The following STARD13 variants were observed in gnomAD, a reference collection of about 807,000 sequenced individuals.
STARD13 encodes the protein StAR related lipid transfer domain containing 13.
STARD13 carries 62 observed loss-of-function variants against 106.4 expected under a neutral mutation model. The observed-to-expected ratio is 0.58, with a 90% CI of 0.48 to 0.72. STARD13 has a LOEUF of 0.72. Ranked by LOEUF, STARD13 falls within the 30% of genes least tolerant of loss-of-function variation. The pLI, the probability that STARD13 is intolerant of heterozygous loss-of-function variation, is 0.00. For synonymous variants in STARD13, 565 were observed against 553.0 expected, an observed-to-expected ratio of 1.02 and a Z score of -0.31; for missense variants, 1,387 against 1,424.0, an observed-to-expected ratio of 0.97 and a Z score of 0.42.
intron 12 of STARD13, among the ~76,000 whole-genome samples, chr13:33,107,696 T>G (rs1310526361): frequency 6.6e-6 from 1 of 151,940 alleles, no homozygotes; most frequent in African/African-American, 2.4e-5. Flanking sequence ...TGTTCAGAAA[T>G]GAAATGTGCT....
the STARD13 span, among the ~76,000 whole-genome samples, chr13:33,604,365 A>G: frequency 6.6e-5 from 10 of 152,258 alleles, no homozygotes; most frequent in Middle Eastern, 3.2e-3. Flanking sequence ...ATCTAGACAC[A>G]TGATAGTGAA....
chr13:33,642,303 A>T, the STARD13 span, among the ~76,000 whole-genome samples: 2 of 152,380 alleles, frequency 1.3e-5, no homozygotes, highest in African/African-American at 4.8e-5. Flanking sequence ...GGGAGGTGTG[A>T]TCAGCAATGC....
At chr13:33,336,455 A>C (rs1018369199) in intron 1 of STARD13, 1 of 152,174 alleles carries the variant, frequency 6.6e-6, no homozygotes, top group African/African-American at 2.4e-5. Context: ...GAATTGGCTG[A>C]TTATAAGCTG....
the STARD13 span, among the ~76,000 whole-genome samples, chr13:33,656,600 C>G: frequency 3.2e-3 from 486 of 152,310 alleles, 3 homozygotes; most frequent in African/African-American, 0.011. Flanking sequence ...CCAGAGTCAC[C>G]TAATTTGCCG....
the STARD13 span, among the ~76,000 whole-genome samples, chr13:33,588,687 CA>C: frequency 1.3e-5 from 2 of 152,156 alleles, no homozygotes; most frequent in Non-Finnish European, 2.9e-5. Flanking sequence ...GGGCACATCG[CA>C]AATGTTATGT....
the STARD13 span, among the ~76,000 whole-genome samples, chr13:33,498,691 T>A: frequency 6.6e-6 from 1 of 152,188 alleles, no homozygotes; most frequent in Non-Finnish European, 1.5e-5. Context: ...CAGAGAAAGA[T>A]AATAATGAAT....
At chr13:33,233,503 T>C (rs1162876763) in intron 1 of STARD13, among the ~76,000 whole-genome samples, 2 of 152,162 alleles carry the variant, frequency 1.3e-5, no homozygotes, top group Non-Finnish European at 2.9e-5. Context: ...AGTTCTCCTC[T>C]CCACCCAGAG....
intron 1 of STARD13, among the ~76,000 whole-genome samples, chr13:33,236,499 A>T (rs1383296049): frequency 6.6e-6 from 1 of 152,218 alleles, no homozygotes; most frequent in Non-Finnish European, 1.5e-5. Context: ...AAGCCTTTGT[A>T]CATATGCAAA....
At chr13:33,442,936 C>A in the STARD13 span, among the ~76,000 whole-genome samples, 8 of 152,022 alleles carry the variant, frequency 5.3e-5, no homozygotes. Flanking sequence ...TCACAGGATG[C>A]CAGGGGCCAG....
intron 8 of STARD13, among the ~76,000 whole-genome samples, chr13:33,116,033 T>C (rs1230234755): frequency 6.6e-6 from 1 of 152,230 alleles, no homozygotes; most frequent in Non-Finnish European, 1.5e-5. Flanking sequence ...CTGAGAACAC[T>C]GTAACTGGTA....
intron 2 of STARD13, 64 bp downstream of exon 2, chr13:33,167,487 A>G: frequency 6.5e-7 from 1 of 1,531,512 alleles, no homozygotes; most frequent in Non-Finnish European, 9.0e-7. Context: ...AACACACCAC[A>G]GGATACGTGT....
chr13:33,255,104 C>A (rs539373937), intron 1 of STARD13, among the ~76,000 whole-genome samples: 16 of 144,890 alleles, frequency 1.1e-4, no homozygotes, highest in African/African-American at 2.8e-4. Flanking sequence ...GTGCTCCCCC[C>A]CCCCTCAGAG....
the STARD13 span, among the ~76,000 whole-genome samples, chr13:33,434,379 A>G: frequency 2.0e-5 from 3 of 151,194 alleles, no homozygotes; most frequent in Non-Finnish European, 2.9e-5. Context: ...AAAAAGAAAG[A>G]AAGAAAAAGA....
the STARD13 span, among the ~76,000 whole-genome samples, chr13:33,538,347 T>C: frequency 0.013 from 2,018 of 152,182 alleles, 49 homozygotes; most frequent in African/African-American, 0.046. Flanking sequence ...TGAGAAGAGA[T>C]TGCTTTCAGG....
At chr13:33,599,559 A>C in the STARD13 span, among the ~76,000 whole-genome samples, 17 of 152,168 alleles carry the variant, frequency 1.1e-4, no homozygotes, top group Non-Finnish European at 2.1e-4. Flanking sequence ...TTTGGAAGGC[A>C]CCTTGGACAA....
chr13:33,649,519 T>C, the STARD13 span, among the ~76,000 whole-genome samples: 2 of 152,224 alleles, frequency 1.3e-5, no homozygotes, highest in Non-Finnish European at 2.9e-5. Flanking sequence ...TTTCTCTGGC[T>C]ATACCGAATA....
the STARD13 span, among the ~76,000 whole-genome samples, chr13:33,603,089 A>G: frequency 6.6e-6 from 1 of 152,146 alleles, no homozygotes; most frequent in Non-Finnish European, 1.5e-5. Context: ...CGGGCCTCTC[A>G]AAGTATCAAA....
At chr13:33,180,368 T>C (rs1885115651) in intron 1 of STARD13, 2 of 152,222 alleles carry the variant, frequency 1.3e-5, no homozygotes, top group African/African-American at 4.8e-5. Context: ...AGCAATCACA[T>C]GCCTGATATG....
At chr13:33,163,626 A>G (rs1164224935) in intron 3 of STARD13, among the ~76,000 whole-genome samples, 2 of 136,826 alleles carry the variant, frequency 1.5e-5, no homozygotes, top group Non-Finnish European at 3.1e-5. Flanking sequence ...ATATATATAA[A>G]ACATATATAT....
Sources: allele counts gnomAD v4.1 joint callset (sites outside exome capture counted in the v4.1 genomes callset), GRCh38; gene constraint gnomAD v4.1.1; transcripts MANE v1.5; gene names NCBI Gene and HGNC (gene_info 2026-07-23, HGNC 2026-07-21).